PRR16: variants seen among roughly 807,000 people sequenced by gnomAD.
PRR16 encodes the protein protein Largen.
Under a neutral mutation model 18.2 loss-of-function variants are expected in PRR16, and 6 were observed. The observed-to-expected ratio is 0.33, with a 90% CI of 0.18 to 0.65. The LOEUF (loss-of-function observed/expected upper bound fraction) is 0.65. Among genes scored for constraint, PRR16 ranks in the 30% least tolerant of loss-of-function variants. The pLI, the probability that PRR16 is intolerant of heterozygous loss-of-function variation, is 0.74. For synonymous variants in PRR16, 151 were observed against 147.8 expected (o/e 1.02, Z -0.16); for missense variants, 412 against 376.6 (o/e 1.09, Z -0.78).
chr5:120,688,955 C>T (rs1757178956), downstream of PRR16, among the ~76,000 whole-genome samples: 1 of 152,156 alleles, frequency 6.6e-6, no homozygotes, highest in Non-Finnish European at 1.5e-5. Flanking sequence ...CCATGAAAGA[C>T]CATATTTTTC....
intron 1 of PRR16, among the ~76,000 whole-genome samples, chr5:120,610,941 A>T (rs760777917): frequency 2.0e-5 from 3 of 152,202 alleles, no homozygotes; most frequent in Non-Finnish European, 4.4e-5. Context: ...AACTTCCTAG[A>T]GACTTGTTGA....
At chr5:120,590,053 C>T in intron 1 of PRR16, among the ~76,000 whole-genome samples, 1 of 152,112 alleles carries the variant, frequency 6.6e-6, no homozygotes, top group East Asian at 1.9e-4. Flanking sequence ...ACCTGAAGAG[C>T]TAGGTTTTTT....
chr5:120,638,201 G>A (rs148616327), intron 1 of PRR16, among the ~76,000 whole-genome samples: 2 of 152,030 alleles, frequency 1.3e-5, no homozygotes, highest in South Asian at 4.1e-4. Context: ...AGAATTTTCC[G>A]CTTGGGGCAA....
intron 1 of PRR16, among the ~76,000 whole-genome samples, chr5:120,474,666 C>CT (rs1427005790): frequency 1.3e-5 from 2 of 151,772 alleles, no homozygotes; most frequent in African/African-American, 4.8e-5. Flanking sequence ...ATTCAACCTA[C>CT]TTTAAAAATA....
chr5:120,630,626 A>C (rs1274037792), intron 1 of PRR16, among the ~76,000 whole-genome samples: 1 of 151,894 alleles, frequency 6.6e-6, no homozygotes, highest in Non-Finnish European at 1.5e-5. Context: ...CATGTCTTCT[A>C]CCTTGAATAG....
chr5:120,612,647 A>G (rs779364624), intron 1 of PRR16, among the ~76,000 whole-genome samples: 10 of 152,156 alleles, frequency 6.6e-5, no homozygotes, highest in Non-Finnish European at 1.2e-4. Context: ...CCAGCCATGT[A>G]GAACTATAAG....
intron 1 of PRR16, among the ~76,000 whole-genome samples, chr5:120,488,766 G>C (rs1749910665): frequency 6.6e-6 from 1 of 152,008 alleles, no homozygotes; most frequent in African/African-American, 2.4e-5. Flanking sequence ...GATCTTTCCT[G>C]CTTTCTCTTG....
At chr5:120,532,991 G>A (rs1246016044) in intron 1 of PRR16, among the ~76,000 whole-genome samples, 2 of 152,104 alleles carry the variant, frequency 1.3e-5, no homozygotes, top group East Asian at 1.9e-4. Context: ...TAGTTTCCCC[G>A]AAGTCACAGG....
chr5:120,528,320 G>A (rs1394626811), intron 1 of PRR16, among the ~76,000 whole-genome samples: 4 of 152,198 alleles, frequency 2.6e-5, no homozygotes, highest in Non-Finnish European at 5.9e-5. Flanking sequence ...AAAGTCAGGT[G>A]AAGTGTGGTA....
At chr5:120,696,970 G>A in the PRR16 span, among the ~76,000 whole-genome samples, 1 of 36,884 alleles carries the variant, frequency 2.7e-5, no homozygotes, top group Non-Finnish European at 6.5e-5. Flanking sequence ...AATTTGACCT[G>A]AACCAAGAAA....
chr5:120,572,120 G>A (rs2405953), intron 1 of PRR16, among the ~76,000 whole-genome samples: 150,396 of 152,232 alleles, frequency 0.99, 74,314 homozygotes, highest in Non-Finnish European at 1. Flanking sequence ...TCTTTGTCTC[G>A]TACTGTATTG....
intron 1 of PRR16, among the ~76,000 whole-genome samples, chr5:120,547,578 G>T (rs1464944809): frequency 6.6e-6 from 1 of 150,986 alleles, no homozygotes; most frequent in African/African-American, 2.4e-5. Context: ...TTTTACAGTA[G>T]TAGCTACTAT....
At chr5:120,605,948 G>A (rs1238197695) in intron 1 of PRR16, among the ~76,000 whole-genome samples, 1 of 152,156 alleles carries the variant, frequency 6.6e-6, no homozygotes, top group Non-Finnish European at 1.5e-5. Flanking sequence ...GCCAGCAAAA[G>A]CACTCCAGCC....
chr5:120,575,389 AT>A (rs1471405599), intron 1 of PRR16, among the ~76,000 whole-genome samples: 23 of 150,890 alleles, frequency 1.5e-4, no homozygotes, highest in African/African-American at 5.1e-4. Context: ...ATGAACATAG[AT>A]GAAAAAAATC....
intron 1 of PRR16, among the ~76,000 whole-genome samples, chr5:120,557,229 AT>A (rs927090545): frequency 6.6e-6 from 1 of 151,842 alleles, no homozygotes; most frequent in African/African-American, 2.4e-5. Flanking sequence ...GTATTGATAT[AT>A]TTTTCATAAA....
At chr5:120,599,759 G>A (rs1753923193) in intron 1 of PRR16, among the ~76,000 whole-genome samples, 1 of 151,792 alleles carries the variant, frequency 6.6e-6, no homozygotes, top group African/African-American at 2.4e-5. Context: ...CTGGCCTCTA[G>A]CCCAGCGTCT....
At chr5:120,510,760 G>C (rs961858184) in intron 1 of PRR16, among the ~76,000 whole-genome samples, 1 of 152,224 alleles carries the variant, frequency 6.6e-6, no homozygotes, top group African/African-American at 2.4e-5. Context: ...TTGAGACAGA[G>C]TCAATAAATA....
chr5:120,762,652 T>C, the PRR16 span, among the ~76,000 whole-genome samples: 6,574 of 152,250 alleles, frequency 0.043, 186 homozygotes, highest in South Asian at 0.078. Context: ...CCTGGTTGAA[T>C]TGCTTGAGTA....
chr5:120,708,822 T>C, the PRR16 span, among the ~76,000 whole-genome samples: 1 of 152,186 alleles, frequency 6.6e-6, no homozygotes, highest in Non-Finnish European at 1.5e-5. Context: ...ACGCATTTAG[T>C]TTAAATTAGC....
Sources: gnomAD v4.1 joint callset for allele counts (sites outside exome capture counted in the v4.1 genomes callset) on GRCh38, gnomAD v4.1.1 for gene constraint, MANE v1.5 for transcripts, NCBI Gene and HGNC (gene_info 2026-07-23, HGNC 2026-07-21) for gene names.